Variants in CFAP251 observed in about 807,000 individuals in gnomAD.
CFAP251 encodes the protein cilia and flagella associated protein 251, also known as cilia- and flagella-associated protein 251.
In CFAP251, 93 loss-of-function variants were observed where a neutral mutation model predicts 126.7. The ratio of observed to expected loss-of-function variants is 0.73; its 90% CI spans 0.62 to 0.87. CFAP251 has a LOEUF of 0.87. Ranked by LOEUF, CFAP251 falls within the 40% of genes least tolerant of loss-of-function variation. The pLI is 0.00. For synonymous variants in CFAP251, 503 were observed against 506.9 expected (o/e 0.99, Z 0.10); for missense variants, 1,287 against 1,389.2 (o/e 0.93, Z 1.17).
intron 7 of CFAP251, chr12:121,948,036 C>G (rs940019821): frequency 6.6e-6 from 1 of 152,216 alleles, no homozygotes; most frequent in Non-Finnish European, 1.5e-5. Flanking sequence ...GCCCTTCTCC[C>G]CAGGCTGTAG....
At chr12:121,977,874 G>GC (rs1882506248) in intron 19 of CFAP251, among the ~76,000 whole-genome samples, 2 of 150,990 alleles carry the variant, frequency 1.3e-5, no homozygotes, top group Admixed American at 1.3e-4. Flanking sequence ...GAGGAGAATG[G>GC]CGTGAACCCG....
chr12:121,927,494 G>C (rs973134358), intron 3 of CFAP251, among the ~76,000 whole-genome samples: 1 of 151,948 alleles, frequency 6.6e-6, no homozygotes, highest in Non-Finnish European at 1.5e-5. Flanking sequence ...ACAGGGTTTC[G>C]CCATGTAGGC....
chr12:121,954,854 G>C (rs926335742), intron 10 of CFAP251, among the ~76,000 whole-genome samples: 3 of 151,958 alleles, frequency 2.0e-5, no homozygotes, highest in African/African-American at 7.3e-5. Context: ...TCATGAGTAT[G>C]CATTATGTTT....
At chr12:121,946,847 G>A (rs1292231386) in intron 7 of CFAP251, among the ~76,000 whole-genome samples, 1 of 152,058 alleles carries the variant, frequency 6.6e-6, no homozygotes, top group African/African-American at 2.4e-5. Flanking sequence ...CCAAGGTGCA[G>A]GGATTATAGG....
intron 3 of CFAP251, among the ~76,000 whole-genome samples, chr12:121,926,019 T>A (rs2135746115): frequency 8.2e-6 from 1 of 121,442 alleles, no homozygotes; most frequent in African/African-American, 3.3e-5. Context: ...TAATTTTTTG[T>A]AATTTTTTTT....
At chr12:121,942,213 A>G (rs973208935) in intron 5 of CFAP251, among the ~76,000 whole-genome samples, 2 of 151,634 alleles carry the variant, frequency 1.3e-5, no homozygotes, top group South Asian at 4.2e-4. Context: ...AAACATTTTC[A>G]CCGCCCCAGA....
At chr12:121,922,033 G>C (rs1053001819) in intron 2 of CFAP251, among the ~76,000 whole-genome samples, 11 of 150,980 alleles carry the variant, frequency 7.3e-5, no homozygotes, top group Admixed American at 3.3e-4. Flanking sequence ...GATCTCAAAT[G>C]ATCTGCCCAC....
At chr12:121,961,087 C>G (rs1881917558) in intron 14 of CFAP251, among the ~76,000 whole-genome samples, 1 of 152,166 alleles carries the variant, frequency 6.6e-6, no homozygotes, top group South Asian at 2.1e-4. Context: ...ACACTGTCTT[C>G]ATGTCCATCA....
Position 121,951,470 on chromosome 12 carries a change from C to G in CFAP251, c.1270-10C>G, listed in dbSNP as rs1328193217. On this transcript the variant is annotated splice_polypyrimidine_tract_variant and intron_variant, in intron 8 of 21. Coordinates refer to ENST00000288912, the MANE Select transcript of CFAP251 (RefSeq NM_144668.6). The stretch of plus-strand genomic sequence containing the variant: ...CTTTTTGAGTAGTGATTATTTTTTC[C>G]TCTTATCAGTATGAAGAGAGGGATA... The G allele has an allele frequency of 6.5e-7, 1 of 1,535,446 alleles. No individual in the cohort carries two copies. Among genetic ancestry groups the G allele is most frequent in the Non-Finnish European group, 8.9e-7 (1 of 1,123,208 alleles).
At chr12:121,948,782 G>T (rs1219549722) in intron 7 of CFAP251, 2 of 403,546 alleles carry the variant, frequency 5.0e-6, no homozygotes, top group Non-Finnish European at 8.7e-6. Context: ...GATCAAACTG[G>T]AAAGGGAACA....
At chr12:121,928,634 A>ATATATG (rs1565902509) in intron 3 of CFAP251, among the ~76,000 whole-genome samples, 1 of 23,586 alleles carries the variant, frequency 4.2e-5, no homozygotes, top group African/African-American at 2.3e-4. Context: ...GTGTATATAT[A>ATATATG]TACGTATATA....
At position 121,958,955 on chromosome 12, in the gene CFAP251, G is replaced by C; in HGVS notation, c.1994G>C (p.Gly665Ala). 1 of 1,587,616 alleles carries C rather than the reference G, an allele frequency of 6.3e-7. No homozygotes were observed. Among genetic ancestry groups the C allele is most frequent in the Non-Finnish European group, 8.5e-7 (1 of 1,172,364 alleles). Residue 665 changes from glycine to alanine, a missense_variant, in exon 13 of 22, where the codon GGA (glycine) becomes GCA (alanine). Physicochemically the swap from Gly to Ala is moderately conservative, Grantham distance 60 (BLOSUM62 0). Coordinates refer to ENST00000288912, the MANE Select transcript of CFAP251 (RefSeq NM_144668.6). ...LTYNPEGALL[G>A]AGFTEGTVYI... Reference sequence around the variant, plus strand: ...CTTGTCATTTCAGGAGCCCTTCTTGGAGCTGGCTTTACAGAGGGGACAGTT... The same window carrying C: ...CTTGTCATTTCAGGAGCCCTTCTTGCAGCTGGCTTTACAGAGGGGACAGTT...
chr12:121,972,394 G>T (rs796721944), intron 17 of CFAP251, among the ~76,000 whole-genome samples: 9 of 152,306 alleles, frequency 5.9e-5, no homozygotes, highest in African/African-American at 2.2e-4. Context: ...ATTCTGTTAT[G>T]TTTTAGCAAA....
intron 21 of CFAP251, among the ~76,000 whole-genome samples, chr12:122,002,071 C>T (rs1412878338): frequency 6.6e-6 from 1 of 151,198 alleles, no homozygotes; most frequent in African/African-American, 2.4e-5. Flanking sequence ...AAAAAAAAAC[C>T]AGGCTGGGCG....
intron 19 of CFAP251, among the ~76,000 whole-genome samples, chr12:121,981,202 T>C (rs993887901): frequency 8.5e-5 from 13 of 152,102 alleles, no homozygotes; most frequent in Non-Finnish European, 1.6e-4. Context: ...TCACGGTGGC[T>C]CACACCTGTA....
intron 19 of CFAP251, chr12:121,999,112 A>T (rs1219245476): frequency 1.3e-5 from 2 of 151,936 alleles, no homozygotes; most frequent in African/African-American, 4.8e-5. Flanking sequence ...ATTTTGTTAA[A>T]TGCTTTTTTT....
intron 2 of CFAP251, 63 bp from the exon 3 acceptor site, chr12:121,923,559 A>G: frequency 1.3e-6 from 2 of 1,529,434 alleles, no homozygotes; most frequent in Non-Finnish European, 1.7e-6. Flanking sequence ...TGGGAATAGA[A>G]AAGGTGAATA....
At chr12:121,964,878 G>A (rs1005374452) in intron 15 of CFAP251, among the ~76,000 whole-genome samples, 1 of 152,050 alleles carries the variant, frequency 6.6e-6, no homozygotes, top group Admixed American at 6.6e-5. Flanking sequence ...ACTCCAGCCT[G>A]GGCGACAGAG....
At chr12:121,965,820 CTT>C (rs57810201) in intron 15 of CFAP251, among the ~76,000 whole-genome samples, 8 of 142,944 alleles carry the variant, frequency 5.6e-5, no homozygotes, top group Admixed American at 2.8e-4. Context: ...TCTTCTTCTT[CTT>C]TTTTTTTTTT....
Sources: gnomAD v4.1 joint callset for allele counts (sites outside exome capture counted in the v4.1 genomes callset) on GRCh38, gnomAD v4.1.1 for gene constraint, MANE v1.5 for transcripts, NCBI Gene and HGNC (gene_info 2026-07-23, HGNC 2026-07-21) for gene names.